The following CA10 variants were observed in gnomAD, a reference collection of about 807,000 sequenced individuals.
CA10 encodes carbonic anhydrase 10 (inactive).
A neutral mutation model predicts 44.2 loss-of-function variants in CA10; 14 were observed. The observed-to-expected ratio is 0.32, with a 90% CI of 0.21 to 0.50. The LOEUF (loss-of-function observed/expected upper bound fraction) is 0.50, where lower values mean the gene tolerates loss of function less well. CA10 is among the 20% of genes least tolerant of loss of function. The probability of loss-of-function intolerance (pLI) is 0.99; values close to 1 mark genes in which losing one functional copy is unlikely to be tolerated. For missense variants in CA10, 350 were observed against 409.7 expected, an observed-to-expected ratio of 0.85 and a Z score of 1.26; for synonymous variants, 159 against 141.6, an observed-to-expected ratio of 1.12 and a Z score of -0.87.
chr17:51,821,091 CCCTT>C (rs1555602973), intron 3 of CA10, among the ~76,000 whole-genome samples: 116 of 116,168 alleles, frequency 1.0e-3, no homozygotes, highest in African/African-American at 3.2e-3. Flanking sequence ...CTCCCTCCCT[CCCTT>C]CCTTCCTTCC....
At chr17:51,852,198 T>C (rs1978825566) in intron 3 of CA10, among the ~76,000 whole-genome samples, 1 of 152,194 alleles carries the variant, frequency 6.6e-6, no homozygotes, top group African/African-American at 2.4e-5. Flanking sequence ...TTCATTTGTT[T>C]GCAAGACAGT....
chr17:51,901,940 A>G (rs1338935769), intron 3 of CA10, among the ~76,000 whole-genome samples: 1 of 152,186 alleles, frequency 6.6e-6, no homozygotes, highest in Non-Finnish European at 1.5e-5. Flanking sequence ...AGCAAGACAG[A>G]AAATTTTATC....
At chr17:51,648,205 G>A (rs1025862918) in intron 6 of CA10, among the ~76,000 whole-genome samples, 3 of 152,198 alleles carry the variant, frequency 2.0e-5, no homozygotes, top group African/African-American at 7.2e-5. Flanking sequence ...CCATTGGAGA[G>A]AGAAGCAGCA....
intron 3 of CA10, among the ~76,000 whole-genome samples, chr17:51,908,139 C>G (rs1981640586): frequency 6.6e-6 from 1 of 152,170 alleles, no homozygotes; most frequent in Admixed American, 6.6e-5. Context: ...TTCCAACTTA[C>G]AATTAGAAAT....
chr17:51,831,704 A>AGCGGCAGCG (rs1567854617), intron 3 of CA10, among the ~76,000 whole-genome samples: 17 of 148,768 alleles, frequency 1.1e-4, no homozygotes, highest in South Asian at 6.5e-4. Flanking sequence ...CAGCAGCAGC[A>AGCGGCAGCG]GCAGCAGCAG....
intron 1 of CA10, among the ~76,000 whole-genome samples, chr17:52,072,661 C>G (rs2143138887): frequency 7.1e-6 from 1 of 141,378 alleles, no homozygotes; most frequent in Non-Finnish European, 1.5e-5. Flanking sequence ...TGCTACCTGT[C>G]CTCATCATCT....
At chr17:51,859,767 G>A (rs1213928802) in intron 3 of CA10, among the ~76,000 whole-genome samples, 1 of 152,186 alleles carries the variant, frequency 6.6e-6, no homozygotes, top group African/African-American at 2.4e-5. Flanking sequence ...AAAGGGCATT[G>A]TAAAGTATAA....
intron 3 of CA10, among the ~76,000 whole-genome samples, chr17:51,917,145 A>T (rs1037852450): frequency 6.6e-6 from 1 of 152,206 alleles, no homozygotes; most frequent in Non-Finnish European, 1.5e-5. Flanking sequence ...AAGGGGGCTT[A>T]TATGTAGCAT....
intron 2 of CA10, among the ~76,000 whole-genome samples, chr17:52,010,510 G>T (rs1469462474): frequency 6.6e-6 from 1 of 151,896 alleles, no homozygotes; most frequent in Non-Finnish European, 1.5e-5. Flanking sequence ...AATCTAAGGG[G>T]AGTAACCTAG....
chr17:52,134,930 AT>A (rs766881844), intron 1 of CA10: 11 of 518,810 alleles, frequency 2.1e-5, no homozygotes, highest in Non-Finnish European at 4.2e-5. Context: ...GTGAATCCAC[AT>A]CCTGAACGGC....
At chr17:51,963,604 G>A (rs899962291) in intron 2 of CA10, among the ~76,000 whole-genome samples, 1 of 152,154 alleles carries the variant, frequency 6.6e-6, no homozygotes, top group African/African-American at 2.4e-5. Context: ...AGAGGCTGGG[G>A]TCTATTTTTA....
chr17:52,042,091 T>C lies in CA10; in HGVS notation c.136+30228A>G, dbSNP rs531492762. Reference sequence around the variant, plus strand: ...TGGCATCTTAGAGATACTGATGTCATTTCCTTTGGGTATATACCCAGAAGT... The same window carrying C: ...TGGCATCTTAGAGATACTGATGTCACTTCCTTTGGGTATATACCCAGAAGT... On this transcript the variant is annotated intron_variant, in intron 2 of 8. Coordinates refer to ENST00000451037, the MANE Select transcript of CA10 (RefSeq NM_020178.5). Among the ~76,000 whole-genome samples, 4 of 152,234 alleles carry C rather than the reference T, an allele frequency of 2.6e-5. No homozygotes were observed. The East Asian group carries it at 7.8e-4, about 30-fold the overall frequency.
chr17:52,157,429 G>C (rs1013903411), intron 1 of CA10, among the ~76,000 whole-genome samples: 1 of 151,724 alleles, frequency 6.6e-6, no homozygotes, highest in Non-Finnish European at 1.5e-5. Flanking sequence ...AGAGTTCTCA[G>C]CCAGGAAAGC....
chr17:51,885,586 TAAC>T (rs1182672785), intron 3 of CA10, among the ~76,000 whole-genome samples: 1 of 152,242 alleles, frequency 6.6e-6, no homozygotes, highest in East Asian at 1.9e-4. Flanking sequence ...TATGAACAGT[TAAC>T]AACCTCTTTT....
chr17:52,105,781 T>C (rs1178678767), intron 1 of CA10, among the ~76,000 whole-genome samples: 1 of 152,212 alleles, frequency 6.6e-6, no homozygotes, highest in Admixed American at 6.5e-5. Context: ...ATTTTATGTG[T>C]GTGTGTATAT....
intron 6 of CA10, among the ~76,000 whole-genome samples, chr17:51,648,080 T>C (rs1478303875): frequency 6.6e-6 from 1 of 152,216 alleles, no homozygotes; most frequent in Non-Finnish European, 1.5e-5. Context: ...GGGGCAGGCA[T>C]GCAGGAAATG....
upstream of CA10, chr17:52,160,004 C>G (rs1002989706): frequency 2.6e-5 from 4 of 152,064 alleles, no homozygotes; most frequent in Admixed American, 2.6e-4. Context: ...GCGCTTGTCC[C>G]GATTGGGAAC....
In CA10 at chr17:51,666,435, G is replaced by C. The variant is rs117471942; in HGVS notation, c.466-12699C>G. 6.5e-3 allele frequency among the ~76,000 whole-genome samples: 997 copies of C among 152,282 alleles called. 4 individuals carry two copies. The highest frequency in any genetic ancestry group is 0.01 in the Non-Finnish European group (705 of 68,020). ...AAGGGGGTTGTACGTGCAGGGGTAG[G>C]GAATGTTGATGACAGCAGGTTTGTT... On this transcript the variant is annotated intron_variant, in intron 4 of 8. Coordinates refer to ENST00000451037, the MANE Select transcript of CA10 (RefSeq NM_020178.5).
At chr17:51,726,390 C>A (rs1203560709) in intron 4 of CA10, among the ~76,000 whole-genome samples, 1 of 152,146 alleles carries the variant, frequency 6.6e-6, no homozygotes, top group Non-Finnish European at 1.5e-5. Context: ...TAGTTAATAA[C>A]AACATACTGC....
Sources: gnomAD v4.1 joint callset for allele counts (sites outside exome capture counted in the v4.1 genomes callset) on GRCh38, gnomAD v4.1.1 for gene constraint, MANE v1.5 for transcripts, NCBI Gene and HGNC (gene_info 2026-07-23, HGNC 2026-07-21) for gene names.